MAST2: variants seen among roughly 807,000 people sequenced by gnomAD.
MAST2 encodes microtubule-associated serine/threonine-protein kinase 2.
Under a neutral mutation model 147.4 loss-of-function variants are expected in MAST2, and 70 were observed. That is an observed-to-expected ratio of 0.47 (90% CI 0.39 to 0.58). The LOEUF (loss-of-function observed/expected upper bound fraction) is 0.58. Among genes scored for constraint, MAST2 ranks in the 20% least tolerant of loss-of-function variants. MAST2 has a pLI of 0.00. For synonymous variants in MAST2, 869 were observed against 896.8 expected (o/e 0.97, Z 0.55); for missense variants, 2,080 against 2,302.3 (o/e 0.90, Z 1.98).
intron 15 of MAST2, among the ~76,000 whole-genome samples, chr1:46,025,118 AGACCAGCCT>A: frequency 6.6e-6 from 1 of 152,288 alleles, no homozygotes; most frequent in South Asian, 2.1e-4. Flanking sequence ...CAGGAATTTG[AGACCAGCCT>A]GACCAACATG....
rs1157655178 is a variant in MAST2, at chr1:46,031,078, G to A, written c.2780G>A (p.Arg927Gln). The change falls in exon 23 of 29, where the codon CGA becomes CAA. Residue 927 changes from arginine to glutamine, a missense_variant. Physicochemically the swap from Arg to Gln is conservative, Grantham distance 43. Transcript: ENST00000361297. The surrounding 1 kb of genome is among the most constrained non-coding windows in gnomAD (Gnocchi z 4.1). ...GACTCAAGCCCTCCAATGACAGTGC[G>A]ACGCCGCTGCTCAGGCCTCCTGGAT... ...ESDSSPPMTV[R>Q]RRCSGLLDAP... 24 of 1,613,456 alleles carry A rather than the reference G, an allele frequency of 1.5e-5. No individual in the cohort carries two copies. Among genetic ancestry groups the A allele is most frequent in the Middle Eastern group, 3.3e-4 (2 of 6,070 alleles).
chr1:45,857,850 GTTTTTTT>G (rs35371770), intron 3 of MAST2, among the ~76,000 whole-genome samples: 2 of 66,582 alleles, frequency 3.0e-5, no homozygotes, highest in African/African-American at 5.9e-5. Context: ...AACATGCGGT[GTTTTTTT>G]TTTTTTTTTT....
intron 3 of MAST2, among the ~76,000 whole-genome samples, chr1:45,855,692 G>C (rs1381582493): frequency 6.6e-6 from 1 of 151,924 alleles, no homozygotes; most frequent in Non-Finnish European, 1.5e-5. Flanking sequence ...GTTGGTTTTC[G>C]TGTGCCGATC....
At chr1:45,882,494 C>A in intron 4 of MAST2, 99 bp downstream of exon 4, 1 of 942,538 alleles carries the variant, frequency 1.1e-6, no homozygotes, top group South Asian at 1.5e-5. Context: ...CCGCTCAGTA[C>A]ACAATTTCTT....
At chr1:45,842,453 A>G (rs1645307520) in intron 3 of MAST2, among the ~76,000 whole-genome samples, 1 of 152,126 alleles carries the variant, frequency 6.6e-6, no homozygotes, top group South Asian at 2.1e-4. Flanking sequence ...TAAACCTCTT[A>G]TCCATTAAGC....
At chr1:45,832,916 CTG>C (rs1451604023) in intron 3 of MAST2, among the ~76,000 whole-genome samples, 1 of 152,134 alleles carries the variant, frequency 6.6e-6, no homozygotes, top group Non-Finnish European at 1.5e-5. Context: ...ACTTTAGAAA[CTG>C]TACTCTTCAG....
intron 3 of MAST2, among the ~76,000 whole-genome samples, chr1:45,879,952 T>A (rs1286107433): frequency 1.3e-5 from 2 of 152,196 alleles, no homozygotes; most frequent in Non-Finnish European, 2.9e-5. Flanking sequence ...ATATTATTAA[T>A]GTGAACATAA....
intron 4 of MAST2, among the ~76,000 whole-genome samples, chr1:45,941,015 G>A (rs942821540): frequency 2.6e-5 from 4 of 152,164 alleles, no homozygotes; most frequent in African/African-American, 9.7e-5. Context: ...AGCTCTGATT[G>A]GTGAATGACA....
chr1:45,980,401 C>T (rs766292328), intron 5 of MAST2, among the ~76,000 whole-genome samples: 4 of 152,034 alleles, frequency 2.6e-5, no homozygotes, highest in Non-Finnish European at 5.9e-5. Flanking sequence ...GTACCCCAAA[C>T]CTCAGCATCA....
chr1:45,906,713 A>T (rs1650808113), intron 4 of MAST2, among the ~76,000 whole-genome samples: 1 of 150,322 alleles, frequency 6.7e-6, no homozygotes, highest in Non-Finnish European at 1.5e-5. Flanking sequence ...ATATAATGTT[A>T]TTATGCAATA....
At chr1:45,867,912 C>G (rs1052072184) in intron 3 of MAST2, among the ~76,000 whole-genome samples, 3 of 152,204 alleles carry the variant, frequency 2.0e-5, no homozygotes, top group Admixed American at 6.5e-5. Context: ...GGTGTATTTG[C>G]TCAGCTTCAT....
At chr1:45,875,433 G>A (rs913767878) in intron 3 of MAST2, among the ~76,000 whole-genome samples, 2 of 152,092 alleles carry the variant, frequency 1.3e-5, no homozygotes, top group African/African-American at 4.8e-5. Flanking sequence ...GTGACAGAAC[G>A]AGACTTCATC....
At chr1:46,006,004 A>G (rs1056416333) in intron 7 of MAST2, among the ~76,000 whole-genome samples, 3 of 152,164 alleles carry the variant, frequency 2.0e-5, no homozygotes, top group Non-Finnish European at 2.9e-5. Context: ...GTCTGGGCCC[A>G]ACTCCCTGCA....
intron 1 of MAST2, among the ~76,000 whole-genome samples, chr1:45,809,552 ACC>A (rs1293976350): frequency 6.6e-6 from 1 of 152,014 alleles, no homozygotes; most frequent in African/African-American, 2.4e-5. Flanking sequence ...CTGAGGTGGG[ACC>A]CCTGGAAGTT....
At chr1:46,017,170 T>C (rs933980086) in intron 10 of MAST2, among the ~76,000 whole-genome samples, 108 of 152,252 alleles carry the variant, frequency 7.1e-4, no homozygotes, top group Middle Eastern at 6.8e-3. Context: ...ATATAAAAAT[T>C]AATTCAAGAT....
At chr1:45,860,445 A>G (rs1645942056) in intron 3 of MAST2, among the ~76,000 whole-genome samples, 1 of 151,812 alleles carries the variant, frequency 6.6e-6, no homozygotes, top group Admixed American at 6.6e-5. Context: ...CCATTAGGGT[A>G]ATTTTTCTTG....
In MAST2 at chr1:46,023,961, G is replaced by A. The variant is rs1427651956; in HGVS notation, c.1761G>A (p.Met587Ile). 3.7e-6 allele frequency: 6 copies of A among 1,614,126 alleles called. No homozygotes were observed. The highest frequency in any genetic ancestry group is 5.1e-6 in the Non-Finnish European group (6 of 1,180,058). Residue 587 changes from methionine (M) to isoleucine (I), a missense_variant, in exon 15 of 29, where the codon ATG (methionine) becomes ATA (isoleucine). Met to Ile is a conservative substitution (Grantham distance 10). Coordinates refer to ENST00000361297, the MANE Select transcript of MAST2 (RefSeq NM_015112.3). This position sits in a 1 kb window ranked among gnomAD's most constrained non-coding sequence, Gnocchi z 4.9. ...CSFDTKRHLCMVMEYVEGGDC... is the reference protein window; with the variant it reads ...CSFDTKRHLCIVMEYVEGGDC... ...TTGATACCAAGCGCCACTTGTGCAT[G>A]GTGATGGAGTACGTTGAAGGTACTG...
At chr1:45,827,109 G>A (rs1014895922) in intron 2 of MAST2, among the ~76,000 whole-genome samples, 2 of 152,030 alleles carry the variant, frequency 1.3e-5, no homozygotes, top group African/African-American at 4.8e-5. Context: ...ATTACAGGCG[G>A]GAGCCACCAC....
Position 45,975,977 on chromosome 1 carries a change from CTT to C in MAST2, c.592+16514_592+16515del, listed in dbSNP as rs11311601. 9.2e-4 allele frequency among the ~76,000 whole-genome samples: 132 copies of C among 143,780 alleles called. No homozygotes were observed. The Middle Eastern group carries it at 0.014, about 16-fold the overall frequency. The allele number at this position is 143,780 out of a possible 152,430, so 94.3% of individuals were successfully genotyped here. ...GGTTTTTTAATCTAAAAACTGAATA[CTT>C]TTTTTTTTTTTTTGAAACAGAATCT... On this transcript the variant is annotated intron_variant, in intron 5 of 28. Transcript: ENST00000361297.
Sources: allele counts gnomAD v4.1 joint callset (sites outside exome capture counted in the v4.1 genomes callset), GRCh38; gene constraint gnomAD v4.1.1; non-coding constraint Gnocchi (gnomAD v3.1); transcripts MANE v1.5; gene names NCBI Gene and HGNC (gene_info 2026-07-23, HGNC 2026-07-21).